The following NCOA7 variants were observed in gnomAD, a reference collection of about 807,000 sequenced individuals.
The protein encoded by NCOA7 is nuclear receptor coactivator 7.
A neutral mutation model predicts 104.3 loss-of-function variants in NCOA7; 45 were observed. The observed-to-expected ratio is 0.43, with a 90% CI of 0.34 to 0.55. The LOEUF (loss-of-function observed/expected upper bound fraction) is 0.55. NCOA7 is among the 20% of genes least tolerant of loss of function. The pLI, the probability that NCOA7 is intolerant of heterozygous loss-of-function variation, is 0.02. For missense variants in NCOA7, 1,041 were observed against 1,119.7 expected (o/e 0.93, Z 1.00); for synonymous variants, 398 against 402.3 (o/e 0.99, Z 0.13).
intron 10 of NCOA7, 37 bp downstream of exon 10, chr6:125,890,847 T>C: frequency 6.9e-7 from 1 of 1,457,138 alleles, no homozygotes; most frequent in South Asian, 1.5e-5. Flanking sequence ...TGTGGGTCTG[T>C]TAGGTTTGGA....
intron 1 of NCOA7, among the ~76,000 whole-genome samples, chr6:125,797,510 A>G (rs969124587): frequency 3.9e-5 from 6 of 152,232 alleles, no homozygotes; most frequent in African/African-American, 1.4e-4. Flanking sequence ...TTGTGAGATG[A>G]ATCCAAAGGT....
At chr6:125,922,474 C>T (rs1001682373) in intron 12 of NCOA7, among the ~76,000 whole-genome samples, 1 of 152,198 alleles carries the variant, frequency 6.6e-6, no homozygotes, top group African/African-American at 2.4e-5. Context: ...AATGGGAAGA[C>T]ACCTCCTGGC....
chr6:125,915,536 T>C, intron 11 of NCOA7, 56 bp downstream of exon 11: 2 of 1,601,372 alleles, frequency 1.2e-6, no homozygotes, highest in Non-Finnish European at 1.7e-6. Flanking sequence ...GTAAGCAGTC[T>C]CGCATTCAGA....
At chr6:125,790,767 C>G (rs1774751408), upstream of NCOA7, 1 of 152,390 alleles carries the variant, frequency 6.6e-6, no homozygotes, top group African/African-American at 2.4e-5. Context: ...CGGCCCATGC[C>G]CTGACGGGGG....
At chr6:125,810,341 T>C (rs1776866818) in intron 1 of NCOA7, 1 of 152,206 alleles carries the variant, frequency 6.6e-6, no homozygotes, top group African/African-American at 2.4e-5. Context: ...ATCACAGCTC[T>C]TTTGAGGTAA....
chr6:125,834,088 A>G (rs1298530839), intron 2 of NCOA7, among the ~76,000 whole-genome samples: 1 of 151,804 alleles, frequency 6.6e-6, no homozygotes, highest in African/African-American at 2.4e-5. Context: ...ATCTTTAAAA[A>G]TAAGATGTAC....
At chr6:125,917,073 T>G (rs1160254750) in intron 11 of NCOA7, among the ~76,000 whole-genome samples, 1 of 152,170 alleles carries the variant, frequency 6.6e-6, no homozygotes, top group East Asian at 1.9e-4. Flanking sequence ...TTCAGTGGCC[T>G]CCTTATTGAC....
At chr6:125,878,197 A>G in intron 4 of NCOA7, 66 bp from the exon 5 acceptor site, 1 of 911,328 alleles carries the variant, frequency 1.1e-6, no homozygotes, top group Non-Finnish European at 1.6e-6. Flanking sequence ...AGATAAATTA[A>G]TAGTATCTAT....
intron 2 of NCOA7, among the ~76,000 whole-genome samples, chr6:125,851,581 G>A (rs922520523): frequency 2.6e-5 from 4 of 152,092 alleles, no homozygotes; most frequent in Non-Finnish European, 4.4e-5. Context: ...TATTGTTTTC[G>A]TATAATGACT....
At chr6:125,886,407 A>C (rs1223865097) in intron 8 of NCOA7, among the ~76,000 whole-genome samples, 2 of 152,238 alleles carry the variant, frequency 1.3e-5, no homozygotes, top group Non-Finnish European at 2.9e-5. Context: ...CTAATGGAGT[A>C]ATACCATTGC....
chr6:125,831,483 TG>T (rs1476055715), intron 2 of NCOA7, among the ~76,000 whole-genome samples: 1 of 151,940 alleles, frequency 6.6e-6, no homozygotes, highest in Non-Finnish European at 1.5e-5. Context: ...CAGGTTTGTT[TG>T]TTTTTTTTTT....
At chr6:125,907,804 T>TA (rs1267260851) in intron 10 of NCOA7, among the ~76,000 whole-genome samples, 1 of 152,220 alleles carries the variant, frequency 6.6e-6, no homozygotes, top group African/African-American at 2.4e-5. Flanking sequence ...CTCATAGAGT[T>TA]ACTGTACAAT....
intron 10 of NCOA7, chr6:125,899,926 G>C: frequency 1.9e-6 from 1 of 524,462 alleles, no homozygotes; most frequent in Admixed American, 1.9e-5. Flanking sequence ...TGGTGGCGGA[G>C]CAAGCTTGGA....
chr6:125,785,267 G>T (rs1774412970), intron 1 of NCOA7, among the ~76,000 whole-genome samples: 1 of 152,212 alleles, frequency 6.6e-6, no homozygotes, highest in African/African-American at 2.4e-5. Flanking sequence ...AAACCCAGGA[G>T]ATGGCGGTTG....
chr6:125,845,770 A>C (rs1319953598), intron 2 of NCOA7, among the ~76,000 whole-genome samples: 1 of 152,156 alleles, frequency 6.6e-6, no homozygotes, highest in African/African-American at 2.4e-5. Context: ...TGTCTCAAAA[A>C]AACAAAAAAG....
intron 11 of NCOA7, 49 bp downstream of exon 11, chr6:125,915,529 A>G: frequency 6.2e-7 from 1 of 1,607,602 alleles, no homozygotes; most frequent in Non-Finnish European, 8.5e-7. Flanking sequence ...AGGTACAGTA[A>G]GCAGTCTCGC....
At chr6:125,787,386 A>C (rs1774522725), upstream of NCOA7, among the ~76,000 whole-genome samples, 1 of 152,218 alleles carries the variant, frequency 6.6e-6, no homozygotes. Flanking sequence ...TGTTTCTCTA[A>C]GCCCGCCTAC....
intron 2 of NCOA7, among the ~76,000 whole-genome samples, chr6:125,824,998 T>G (rs1458710230): frequency 2.6e-5 from 4 of 152,084 alleles, no homozygotes; most frequent in Admixed American, 6.5e-5. Context: ...ATCAAGCCAT[T>G]GTACTCCAGT....
At position 125,855,105 on chromosome 6, in the gene NCOA7, A is replaced by C. The variant is rs574387361; in HGVS notation, c.136A>C (p.Asn46His). Reference sequence around the variant, plus strand: ...GACTCATACTGGGAAGGAAGATAATAATACAGTAGTTTTAGAGCCAGACAA... The same window carrying C: ...GACTCATACTGGGAAGGAAGATAATCATACAGTAGTTTTAGAGCCAGACAA... ...TRTHTGKEDN[N>H]TVVLEPDKCN... Residue 46 changes from asparagine to histidine, a missense_variant, in exon 3 of 16, where the codon AAT becomes CAT. Coordinates refer to ENST00000392477, the MANE Select transcript of NCOA7 (RefSeq NM_181782.5). 42 of 1,613,382 alleles carry C rather than the reference A, an allele frequency of 2.6e-5. No individual in the cohort carries two copies. Among genetic ancestry groups the C allele is most frequent in the Middle Eastern group, 1.6e-4 (1 of 6,080 alleles).
Sources: allele counts gnomAD v4.1 joint callset (sites outside exome capture counted in the v4.1 genomes callset), GRCh38; gene constraint gnomAD v4.1.1; transcripts MANE v1.5; gene names NCBI Gene and HGNC (gene_info 2026-07-23, HGNC 2026-07-21).